TRIM5: variants seen among roughly 807,000 people sequenced by gnomAD.
The protein encoded by TRIM5 is tripartite motif-containing protein 5.
A neutral mutation model predicts 35.6 loss-of-function variants in TRIM5; 31 were observed. That is an observed-to-expected ratio of 0.87 (90% CI 0.65 to 1.18). TRIM5 has a LOEUF of 1.18. Ranked by LOEUF, TRIM5 falls within the 50% of genes most tolerant of loss-of-function variation. TRIM5 has a pLI of 0.00. For missense variants in TRIM5, 609 were observed against 591.6 expected, an observed-to-expected ratio of 1.03 and a Z score of -0.31; for synonymous variants, 243 against 215.6, an observed-to-expected ratio of 1.13 and a Z score of -1.11.
the TRIM5 span, chr11:5,605,653 C>T: frequency 3.4e-6 from 5 of 1,452,466 alleles, no homozygotes; most frequent in African/African-American, 1.4e-5. Flanking sequence ...AGACTACCAT[C>T]GTTGCAGGGA....
At chr11:5,634,886 A>C in the TRIM5 span, 1 of 1,604,268 alleles carries the variant, frequency 6.2e-7, no homozygotes, top group Middle Eastern at 1.9e-4. Flanking sequence ...TCAATCTGAG[A>C]TTCTGGGAAC....
the TRIM5 span, among the ~76,000 whole-genome samples, chr11:5,606,642 CTCA>C: frequency 6.6e-6 from 1 of 151,970 alleles, no homozygotes; most frequent in Non-Finnish European, 1.5e-5. Context: ...CCTTTTTGTC[CTCA>C]TCATTGATAT....
At chr11:5,646,522 G>A in the TRIM5 span, among the ~76,000 whole-genome samples, 13 of 152,250 alleles carry the variant, frequency 8.5e-5, no homozygotes, top group African/African-American at 3.1e-4. Context: ...AGATCTAGTT[G>A]TTCTAGCTCT....
At chr11:5,629,827 C>T in the TRIM5 span, among the ~76,000 whole-genome samples, 2 of 152,218 alleles carry the variant, frequency 1.3e-5, no homozygotes, top group Non-Finnish European at 2.9e-5. Context: ...CCTGCCTTAG[C>T]CTCCCGAGTA....
At chr11:5,591,714 C>T in the TRIM5 span, among the ~76,000 whole-genome samples, 1 of 152,094 alleles carries the variant, frequency 6.6e-6, no homozygotes, top group Non-Finnish European at 1.5e-5. Flanking sequence ...TGCTGGGAGA[C>T]ATGATCTGAT....
the TRIM5 span, chr11:5,632,208 C>CT: frequency 2.0e-6 from 3 of 1,526,276 alleles, no homozygotes; most frequent in Non-Finnish European, 2.6e-6. Flanking sequence ...AATTAGAATG[C>CT]TTTTTATTTG....
chr11:5,632,575 A>G, the TRIM5 span: 1 of 1,613,836 alleles, frequency 6.2e-7, no homozygotes, highest in Non-Finnish European at 8.5e-7. Flanking sequence ...GGAGAGACTC[A>G]AGGAGGTCAA....
chr11:5,607,754 A>G, the TRIM5 span, among the ~76,000 whole-genome samples: 1 of 152,196 alleles, frequency 6.6e-6, no homozygotes, highest in Non-Finnish European at 1.5e-5. Flanking sequence ...GTAGGATGGA[A>G]GGGAGACAAG....
At chr11:5,591,649 CAA>C in the TRIM5 span, among the ~76,000 whole-genome samples, 36 of 119,026 alleles carry the variant, frequency 3.0e-4, 1 homozygote, top group South Asian at 7.1e-3. Flanking sequence ...AACTCCGCCT[CAA>C]AAAAAAAAAA....
chr11:5,671,313 A>AAAC (rs1554932367), intron 4 of TRIM5, among the ~76,000 whole-genome samples: 9 of 144,080 alleles, frequency 6.2e-5, no homozygotes, highest in African/African-American at 1.9e-4. Context: ...TTAAAAAAAA[A>AAAC]ACACAAAAAA....
chr11:5,636,102 T>C, the TRIM5 span, among the ~76,000 whole-genome samples: 5 of 152,340 alleles, frequency 3.3e-5, no homozygotes, highest in East Asian at 9.6e-4. Context: ...CACAGCAGTA[T>C]TGTTCATAAA....
intron 1 of TRIM5, among the ~76,000 whole-genome samples, chr11:5,683,065 G>A (rs909374940): frequency 4.6e-5 from 7 of 152,210 alleles, no homozygotes; most frequent in African/African-American, 9.6e-5. Flanking sequence ...CCGCTGCCCC[G>A]GGCAGTGAGC....
chr11:5,637,027 T>A, the TRIM5 span, among the ~76,000 whole-genome samples: 1 of 152,090 alleles, frequency 6.6e-6, no homozygotes, highest in South Asian at 2.1e-4. Flanking sequence ...ATACAAAAAA[T>A]TAGCTGGTGA....
At chr11:5,684,340 T>G (rs950544625) in intron 1 of TRIM5, among the ~76,000 whole-genome samples, 2 of 152,180 alleles carry the variant, frequency 1.3e-5, no homozygotes, top group Admixed American at 1.3e-4. Context: ...TACTCTCCAC[T>G]CCTAGCAAGA....
At chr11:5,596,742 G>T in the TRIM5 span, 80 of 1,185,262 alleles carry the variant, frequency 6.7e-5, no homozygotes, top group Non-Finnish European at 9.0e-5. Context: ...TCTCGGAACG[G>T]AACGGAGCAG....
the TRIM5 span, among the ~76,000 whole-genome samples, chr11:5,594,565 C>T: frequency 6.6e-6 from 1 of 152,110 alleles, no homozygotes; most frequent in Non-Finnish European, 1.5e-5. Flanking sequence ...CCTCGGCCTC[C>T]CAAAATGCTG....
At chr11:5,675,574 G>A (rs932402358) in intron 4 of TRIM5, among the ~76,000 whole-genome samples, 7 of 151,764 alleles carry the variant, frequency 4.6e-5, no homozygotes, top group Middle Eastern at 3.2e-3. Flanking sequence ...ATCTCTGCCC[G>A]AAACACTGAG....
the TRIM5 span, chr11:5,604,568 A>T: frequency 6.2e-7 from 1 of 1,613,344 alleles, no homozygotes; most frequent in Non-Finnish European, 8.5e-7. Context: ...AAGCTGAAGA[A>T]CGAGGAGCAG....
the TRIM5 span, among the ~76,000 whole-genome samples, chr11:5,619,581 A>C: frequency 1.4e-5 from 2 of 148,018 alleles, no homozygotes; most frequent in Non-Finnish European, 2.9e-5. Flanking sequence ...TCTAGGTGCT[A>C]GGAGTTTCTC....
Sources: allele counts gnomAD v4.1 joint callset (sites outside exome capture counted in the v4.1 genomes callset), GRCh38; gene constraint gnomAD v4.1.1; transcripts MANE v1.5; gene names NCBI Gene and HGNC (gene_info 2026-07-23, HGNC 2026-07-21).